The following SYNE2 variants were observed in gnomAD, a reference collection of about 807,000 sequenced individuals.
SYNE2 encodes the protein spectrin repeat containing nuclear envelope protein 2.
SYNE2 carries 431 observed loss-of-function variants against 856.3 expected under a neutral mutation model. That is an observed-to-expected ratio of 0.50 (90% confidence interval 0.47 to 0.55). SYNE2 has a LOEUF of 0.55. Among genes scored for constraint, SYNE2 ranks in the 20% least tolerant of loss-of-function variants. The pLI, the probability that SYNE2 is intolerant of heterozygous loss-of-function variation, is 0.00. For synonymous variants in SYNE2, 2,923 were observed against 2,872.3 expected (o/e 1.02, Z -0.56); for missense variants, 8,129 against 8,023.2 (o/e 1.01, Z -0.50).
Position 64,203,562 on chromosome 14 carries a change from C to G in SYNE2, c.18201+599C>G, listed in dbSNP as rs1203087860. Among the ~76,000 whole-genome samples the G allele has an allele frequency of 2.0e-5, 3 of 152,224 alleles. No individual in the cohort carries two copies. The East Asian group carries it at 5.8e-4, about 29-fold the overall frequency. ...TCATTGTACCCACCTGACAGGTGCT[C>G]TTTGATGTCACTGGTTTATCGAATC... On this transcript the variant is annotated intron_variant, in intron 100 of 115. Coordinates refer to ENST00000555002, the MANE Select transcript of SYNE2 (RefSeq NM_182914.3).
chr14:63,788,216 C>T (rs191974729), intron 1 of SYNE2, among the ~76,000 whole-genome samples: 1 of 152,286 alleles, frequency 6.6e-6, no homozygotes, highest in Admixed American at 6.5e-5. Flanking sequence ...AAGAAACCCG[C>T]GAGCCTGCTG....
At position 63,982,646 on chromosome 14, in the gene SYNE2, T is replaced by C; in HGVS notation, c.1853T>C (p.Leu618Pro). The C allele has an allele frequency of 6.2e-7, 1 of 1,613,724 alleles. No homozygotes were observed. The highest frequency in any genetic ancestry group is 8.5e-7 in the Non-Finnish European group (1 of 1,179,782). Residue 618 changes from leucine to proline, a missense_variant, in exon 17 of 116, where the codon CTA becomes CCA. Coordinates refer to ENST00000555002, the MANE Select transcript of SYNE2 (RefSeq NM_182914.3). ...ATCATGTAGGTACCCTTTGAGACACTAGCCCAGTGGAATCTAGAACACGCT... is the reference window on the plus strand; with the variant it reads ...ATCATGTAGGTACCCTTTGAGACACCAGCCCAGTGGAATCTAGAACACGCT... ...EEIKEVPFET[L>P]AQWNLEHATL... is the part of the protein sequence containing the mutation.
rs373041942 is a variant in SYNE2 at position 63,991,162 on chromosome 14, C to A, written c.2646+47C>A. 45 of 1,569,828 alleles carry A rather than the reference C, an allele frequency of 2.9e-5. No individual in the cohort carries two copies. The African/African-American group carries it at 4.9e-4, about 17-fold the overall frequency. ...AAATGTAGGACATTATTGTTAACTG[C>A]CTATCTTGTTTGAAATCAAGATGTT... On this transcript the variant is annotated intron_variant, in intron 21 of 115. Coordinates refer to ENST00000555002, the MANE Select transcript of SYNE2 (RefSeq NM_182914.3).
At chr14:63,950,130 C>A in intron 7 of SYNE2, 124 bp downstream of exon 7, 2 of 1,118,576 alleles carry the variant, frequency 1.8e-6, no homozygotes, top group Non-Finnish European at 2.7e-6. Flanking sequence ...CCTCTCTGTG[C>A]TTCTTCCATA....
chr14:64,205,159 C>T (rs1279486879), intron 100 of SYNE2, among the ~76,000 whole-genome samples: 1 of 152,068 alleles, frequency 6.6e-6, no homozygotes, highest in Non-Finnish European at 1.5e-5. Flanking sequence ...TTCTCCTTTG[C>T]CGTGTAATCT....
intron 45 of SYNE2, among the ~76,000 whole-genome samples, chr14:64,045,982 G>T (rs2097183453): frequency 6.6e-6 from 1 of 152,094 alleles, no homozygotes; most frequent in African/African-American, 2.4e-5. Flanking sequence ...TTTCTACCTT[G>T]TTGGGGATGT....
At chr14:64,010,213 G>A (rs548255817) in intron 32 of SYNE2, 97 bp downstream of exon 32, 53 of 1,353,854 alleles carry the variant, frequency 3.9e-5, no homozygotes, top group South Asian at 2.8e-4. Context: ...TTGAAACTTC[G>A]TTTAAAAGAA....
chr14:63,884,548 G>T (rs756754286), intron 1 of SYNE2, among the ~76,000 whole-genome samples: 5 of 152,136 alleles, frequency 3.3e-5, no homozygotes, highest in Non-Finnish European at 7.3e-5. Context: ...GTGGCACGGG[G>T]TGTGTAGTGG....
At chr14:63,860,686 G>T (rs1167298250) in intron 1 of SYNE2, among the ~76,000 whole-genome samples, 1 of 152,198 alleles carries the variant, frequency 6.6e-6, no homozygotes, top group East Asian at 1.9e-4. Context: ...TTATCAGTGA[G>T]TAGCTCTTCT....
At chr14:64,035,579 G>C (rs2097081387) in intron 45 of SYNE2, among the ~76,000 whole-genome samples, 1 of 133,522 alleles carries the variant, frequency 7.5e-6, no homozygotes, top group Non-Finnish European at 1.6e-5. Flanking sequence ...CTCCAAAGTT[G>C]TAAAATCTCA....
chr14:63,810,499 C>A (rs76359288), intron 1 of SYNE2, among the ~76,000 whole-genome samples: 5,366 of 152,132 alleles, frequency 0.035, 196 homozygotes, highest in African/African-American at 0.086. Context: ...TACAAACAAA[C>A]TTTTGAAAAC....
intron 97 of SYNE2, among the ~76,000 whole-genome samples, chr14:64,188,094 G>A (rs553024318): frequency 3.3e-5 from 5 of 152,176 alleles, no homozygotes; most frequent in Non-Finnish European, 5.9e-5. Context: ...TTAAACGGCT[G>A]TAGTTTTCCT....
upstream of SYNE2, among the ~76,000 whole-genome samples, chr14:63,851,194 C>G (rs554889191): frequency 6.6e-4 from 101 of 152,272 alleles, no homozygotes; most frequent in Admixed American, 6.1e-3. Flanking sequence ...AACCCCATCT[C>G]TACTAAAAAT....
intron 49 of SYNE2, among the ~76,000 whole-genome samples, chr14:64,057,183 G>A (rs1037491485): frequency 2.0e-5 from 3 of 151,710 alleles, no homozygotes; most frequent in African/African-American, 4.8e-5. Flanking sequence ...ATTATTGAAC[G>A]TAGTCACTCT....
At chr14:64,159,544 A>G in intron 87 of SYNE2, 102 bp downstream of exon 87, 1 of 1,373,438 alleles carries the variant, frequency 7.3e-7, no homozygotes, top group Non-Finnish European at 1.0e-6. Flanking sequence ...CTCCTCTGAG[A>G]TGACTGGTTT....
chr14:63,782,231 T>C (rs529074718), intron 1 of SYNE2, among the ~76,000 whole-genome samples: 2 of 151,858 alleles, frequency 1.3e-5, no homozygotes, highest in Admixed American at 6.6e-5. Flanking sequence ...CCCAGCACTT[T>C]AGGAGGCCGA....
intron 1 of SYNE2, among the ~76,000 whole-genome samples, chr14:63,854,163 C>CTTTTTT (rs35131482): frequency 2.2e-5 from 3 of 139,278 alleles, no homozygotes; most frequent in Admixed American, 7.1e-5. Flanking sequence ...CTTGGCATCA[C>CTTTTTT]TTTTTTTTTT....
chr14:63,861,023 G>A (rs1893452882), intron 1 of SYNE2, among the ~76,000 whole-genome samples: 1 of 152,090 alleles, frequency 6.6e-6, no homozygotes, highest in South Asian at 2.1e-4. Flanking sequence ...AGCCTTCTAA[G>A]TGATTCTGAT....
intron 1 of SYNE2, among the ~76,000 whole-genome samples, chr14:63,862,808 G>GT (rs1011540092): frequency 1.0e-4 from 15 of 148,678 alleles, no homozygotes; most frequent in African/African-American, 5.0e-5. Flanking sequence ...GTTTTGTTTT[G>GT]TTTTTTTGGA....
Sources: gnomAD v4.1 joint callset for allele counts (sites outside exome capture counted in the v4.1 genomes callset) on GRCh38, gnomAD v4.1.1 for gene constraint, MANE v1.5 for transcripts, NCBI Gene and HGNC (gene_info 2026-07-23, HGNC 2026-07-21) for gene names.